The following SPECC1 variants were observed in gnomAD, a reference collection of about 807,000 sequenced individuals.
SPECC1 encodes cytospin-B.
In SPECC1, 62 loss-of-function variants were observed where a neutral mutation model predicts 104.1. That is an observed-to-expected ratio of 0.60 (90% confidence interval 0.49 to 0.74). SPECC1 has a LOEUF of 0.74. SPECC1 is among the 30% of genes least tolerant of loss of function. The pLI, the probability that SPECC1 is intolerant of heterozygous loss-of-function variation, is 0.00. For missense variants in SPECC1, 1,306 were observed against 1,310.5 expected (o/e 1.00, Z 0.05); for synonymous variants, 513 against 501.6 (o/e 1.02, Z -0.30).
rs572647487 is a variant in SPECC1, at chr17:20,309,614, A to G, written c.3117+3532A>G. On this transcript the variant is annotated intron_variant, in intron 14 of 14. Transcript: ENST00000395527. ...CCATCTTTATGTCCATGACTACCCA[A>G]TGTTGAGCTCCATTTATAAGTGAGA... 2.6e-4 allele frequency among the ~76,000 whole-genome samples: 40 copies of G among 152,060 alleles called. No homozygotes were observed. In the East Asian group the frequency reaches 6.8e-3, roughly 26 times the overall value.
chr17:20,303,532 C>T (rs540750856), intron 13 of SPECC1, among the ~76,000 whole-genome samples: 17 of 152,188 alleles, frequency 1.1e-4, no homozygotes, highest in Admixed American at 2.0e-4. Flanking sequence ...AGGGAAAACC[C>T]GTCGCTTCAG....
chr17:20,037,252 A>C (rs141064661), intron 1 of SPECC1, among the ~76,000 whole-genome samples: 1 of 151,904 alleles, frequency 6.6e-6, no homozygotes, highest in East Asian at 1.9e-4. Flanking sequence ...CTCATGAAGG[A>C]TATTGGTCTG....
At chr17:20,261,778 G>GT (rs1470927668) in intron 12 of SPECC1, among the ~76,000 whole-genome samples, 1 of 152,144 alleles carries the variant, frequency 6.6e-6, no homozygotes, top group Non-Finnish European at 1.5e-5. Context: ...GTAAGTTTAA[G>GT]TTTTTTTCTT....
At chr17:20,271,863 A>C (rs1028905513) in intron 12 of SPECC1, among the ~76,000 whole-genome samples, 1 of 149,364 alleles carries the variant, frequency 6.7e-6, no homozygotes, top group African/African-American at 2.5e-5. Context: ...TTTTACCCTG[A>C]TGCTTGATGG....
intron 6 of SPECC1, 126 bp from the exon 7 acceptor site, chr17:20,232,073 TA>T: frequency 8.8e-7 from 1 of 1,135,778 alleles, no homozygotes; most frequent in Non-Finnish European, 1.3e-6. Context: ...AGCCACCGTG[TA>T]AGCAGGGCCT....
At chr17:20,287,423 C>CAAAAAAAAAAA (rs61713120) in intron 12 of SPECC1, among the ~76,000 whole-genome samples, 2 of 98,044 alleles carry the variant, frequency 2.0e-5, no homozygotes, top group African/African-American at 8.3e-5. Flanking sequence ...GACTCCGTCT[C>CAAAAAAAAAAA]AAAAAAAAAA....
At chr17:20,121,664 G>T (rs900106355) in intron 3 of SPECC1, among the ~76,000 whole-genome samples, 1 of 152,164 alleles carries the variant, frequency 6.6e-6, no homozygotes, top group Admixed American at 6.5e-5. Flanking sequence ...TTCTCCCTGA[G>T]GTGTCCTTTG....
At chr17:20,072,357 G>A (rs2046588054) in intron 1 of SPECC1, among the ~76,000 whole-genome samples, 1 of 152,236 alleles carries the variant, frequency 6.6e-6, no homozygotes, top group Non-Finnish European at 1.5e-5. Flanking sequence ...TGAGTTAGGT[G>A]TCTGTCATTT....
intron 13 of SPECC1, among the ~76,000 whole-genome samples, chr17:20,300,997 G>A (rs2142083271): frequency 6.6e-6 from 1 of 152,258 alleles, no homozygotes. Context: ...ACTCTCTGAA[G>A]GAACAACCAG....
chr17:20,293,104 A>G (rs546727764), intron 12 of SPECC1, among the ~76,000 whole-genome samples: 40 of 152,278 alleles, frequency 2.6e-4, no homozygotes, highest in African/African-American at 8.7e-4. Context: ...TTTTGACCTC[A>G]GTTTCAAATG....
chr17:20,294,458 T>C (rs898538189), intron 12 of SPECC1, among the ~76,000 whole-genome samples: 2 of 152,058 alleles, frequency 1.3e-5, no homozygotes, highest in Admixed American at 6.6e-5. Flanking sequence ...GCCTCCTACA[T>C]TGTGGGGAGA....
intron 3 of SPECC1, among the ~76,000 whole-genome samples, chr17:20,165,208 G>A (rs564089018): frequency 2.9e-5 from 4 of 137,894 alleles, no homozygotes; most frequent in East Asian, 2.0e-4. Context: ...TACTACCCCC[G>A]CCCTGACAGG....
chr17:20,112,818 C>A lies in SPECC1; in HGVS notation c.283+2256C>A, dbSNP rs914879706. 52 of 1,572,996 alleles carry A rather than the reference C, an allele frequency of 3.3e-5. No homozygotes were observed. In the African/African-American group the frequency reaches 6.6e-4, roughly 20 times the overall value. On this transcript the variant is annotated intron_variant, in intron 3 of 14. Coordinates refer to ENST00000395527, the MANE Select transcript of SPECC1 (RefSeq NM_001243439.2). ...CTGAGAGTGACTACCTTAAAAAATGCAAAGTTGAAGAACTGTAACCTCAGA... is the reference window on the plus strand; with the variant it reads ...CTGAGAGTGACTACCTTAAAAAATGAAAAGTTGAAGAACTGTAACCTCAGA...
chr17:20,198,534 C>G lies in SPECC1; in HGVS notation c.284-5799C>G, dbSNP rs113049901. 2.3e-3 allele frequency among the ~76,000 whole-genome samples: 354 copies of G among 152,310 alleles called. 2 individuals carry two copies. Among genetic ancestry groups the G allele is most frequent in the Admixed American group, 3.3e-3 (51 of 15,296 alleles). ...GTCCTGTACATACCTGACTCTGTCA[C>G]CCACAGCCATTAGCAAAGAGTGCAA... On this transcript the variant is annotated intron_variant, in intron 3 of 14. Coordinates refer to ENST00000395527, the MANE Select transcript of SPECC1 (RefSeq NM_001243439.2).
chr17:20,290,960 A>G (rs1359565362), intron 12 of SPECC1, among the ~76,000 whole-genome samples: 1 of 152,240 alleles, frequency 6.6e-6, no homozygotes, highest in Non-Finnish European at 1.5e-5. Flanking sequence ...ATCAGAAATG[A>G]TAGAAGATGT....
chr17:20,176,722 G>C (rs973074931), intron 3 of SPECC1, among the ~76,000 whole-genome samples: 1 of 151,986 alleles, frequency 6.6e-6, no homozygotes, highest in African/African-American at 2.4e-5. Context: ...TCAACCTCTT[G>C]GGCTGTCATC....
intron 1 of SPECC1, among the ~76,000 whole-genome samples, chr17:20,035,033 T>G (rs2045007463): frequency 6.6e-6 from 1 of 152,244 alleles, no homozygotes; most frequent in African/African-American, 2.4e-5. Flanking sequence ...TCTACACCCT[T>G]TAATGAGAGA....
chr17:20,015,576 G>A (rs1212767835), intron 1 of SPECC1, among the ~76,000 whole-genome samples: 1 of 123,116 alleles, frequency 8.1e-6, no homozygotes, highest in Non-Finnish European at 1.8e-5. Flanking sequence ...TTAACTTTCC[G>A]GGTCTCTATT....
intron 3 of SPECC1, among the ~76,000 whole-genome samples, chr17:20,180,407 G>A (rs1465081091): frequency 6.6e-6 from 1 of 152,100 alleles, no homozygotes; most frequent in South Asian, 2.1e-4. Flanking sequence ...ACTATATATT[G>A]GTAGAAACCA....
Sources: gnomAD v4.1 joint callset for allele counts (sites outside exome capture counted in the v4.1 genomes callset) on GRCh38, gnomAD v4.1.1 for gene constraint, MANE v1.5 for transcripts, NCBI Gene and HGNC (gene_info 2026-07-23, HGNC 2026-07-21) for gene names.